Variants in NR1I3 observed in about 807,000 individuals in gnomAD.
NR1I3 encodes constitutive activator of retinoid response.
Under a neutral mutation model 38.4 loss-of-function variants are expected in NR1I3, and 30 were observed. The ratio of observed to expected loss-of-function variants is 0.78; its 90% confidence interval spans 0.58 to 1.06. The LOEUF (loss-of-function observed/expected upper bound fraction) is 1.06. Among genes scored for constraint, NR1I3 ranks in the 50% least tolerant of loss-of-function variants. The pLI, the probability that NR1I3 is intolerant of heterozygous loss-of-function variation, is 0.00. For synonymous variants in NR1I3, 143 were observed against 165.1 expected, an observed-to-expected ratio of 0.87 and a Z score of 1.03; for missense variants, 388 against 435.7, an observed-to-expected ratio of 0.89 and a Z score of 0.97.
rs751122638 is a variant in NR1I3 at position 161,233,315 on chromosome 1, C to T, written c.262G>A (p.Ala88Thr). Residue 88 changes from alanine (A) to threonine (T), a missense_variant, in exon 4 of 9, where the codon GCA (alanine) becomes ACA (threonine). Coordinates refer to ENST00000367983, the MANE Select transcript of NR1I3 (RefSeq NM_005122.5). ...TGGGCCTGCTTTGCTCGCCGCAATG[C>T]CAGGGCTTCTGCCGACAGTATCACT... is the stretch of plus-strand genomic sequence containing the variant. Reference protein sequence around the residue: ...KDMILSAEALALRRAKQAQRR... With the variant: ...KDMILSAEALTLRRAKQAQRR... The T allele has an allele frequency of 1.2e-6, 2 of 1,614,000 alleles. No homozygotes were observed. The highest frequency in any genetic ancestry group is 1.1e-5 in the South Asian group (1 of 91,078).
intron 8 of NR1I3, chr1:161,230,264 T>G (rs1666858613): frequency 2.8e-6 from 1 of 353,684 alleles, no homozygotes; most frequent in African/African-American, 2.1e-5. Flanking sequence ...GGATGTGTTC[T>G]ATGGTATAAA....
Position 161,233,292 on chromosome 1 carries a change from G to T in NR1I3, c.285C>A (p.Ala95=). The T allele has an allele frequency of 3.7e-6, 6 of 1,614,134 alleles. No individual in the cohort carries two copies. The highest frequency in any genetic ancestry group is 5.1e-6 in the Non-Finnish European group (6 of 1,180,024). ...CAGGTGTTTGCTGTGCCCGCCGCTG[G>T]GCCTGCTTTGCTCGCCGCAATGCCA... is the stretch of plus-strand genomic sequence containing the variant. The part of the protein sequence containing the change: ...EALALRRAKQ[A]QRRAQQTPVQ... Residue 95 remains alanine (A), a synonymous_variant, in exon 4 of 9, where the codon GCC becomes GCA. Transcript: ENST00000367983.
chr1:161,232,896 A>AG lies in NR1I3; in HGVS notation c.458dup (p.Val154CysfsTer24). Reference sequence around the variant, plus strand: ...CGAAGTGTGTGACCAGAGGCAGCACAGGGGCCAGGGTGGGCAAGGGCTGGT... The same window carrying AG: ...CGAAGTGTGTGACCAGAGGCAGCACAGGGGGCCAGGGTGGGCAAGGGCTGGT... On this transcript the variant is annotated frameshift_variant, in exon 5 of 9. Transcript: ENST00000367983. LOFTEE classifies it high-confidence loss of function. 1 of 1,614,250 alleles carries AG rather than the reference A, an allele frequency of 6.2e-7. No homozygotes were observed. Among genetic ancestry groups the AG allele is most frequent in the Non-Finnish European group, 8.5e-7 (1 of 1,180,032 alleles).
intron 1 of NR1I3, among the ~76,000 whole-genome samples, chr1:161,237,465 A>G (rs1668821055): frequency 6.6e-6 from 1 of 151,746 alleles, no homozygotes; most frequent in South Asian, 2.1e-4. Flanking sequence ...CATGCCTGTA[A>G]TTCCAGCACT....
chr1:161,229,692 C>T lies in NR1I3; in HGVS notation c.*105G>A. On this transcript the variant is annotated 3_prime_UTR_variant, in exon 9 of 9. Transcript: ENST00000367983. ...TATTGCTTTAGTCTTTCATTGCAAC[C>T]ACTGGGCTCCCTTTGAACCCGGCCC... 1 of 1,614,094 alleles carries T rather than the reference C, an allele frequency of 6.2e-7. No homozygotes were observed. Among genetic ancestry groups the T allele is most frequent in the Non-Finnish European group, 8.5e-7 (1 of 1,179,976 alleles).
intron 5 of NR1I3, 81 bp downstream of exon 5, chr1:161,232,726 T>A: frequency 7.2e-7 from 1 of 1,391,598 alleles, no homozygotes; most frequent in Admixed American, 1.7e-5. Flanking sequence ...CATGTGATAA[T>A]TTGTAGTCAG....
intron 8 of NR1I3, 81 bp from the exon 9 acceptor site, chr1:161,230,007 C>T: frequency 1.3e-6 from 2 of 1,527,714 alleles, no homozygotes; most frequent in Non-Finnish European, 1.8e-6. Flanking sequence ...GCCCTGATCC[C>T]CTGAACTATT....
intron 3 of NR1I3, chr1:161,235,126 GT>G (rs1293752787): frequency 6.6e-6 from 1 of 152,440 alleles, no homozygotes; most frequent in African/African-American, 2.4e-5. Context: ...GGGCAACAGA[GT>G]ATGAGACTCT....
chr1:161,233,959 GTATA>G (rs72176119), intron 3 of NR1I3, among the ~76,000 whole-genome samples: 18,122 of 115,394 alleles, frequency 0.16, 1,317 homozygotes, highest in East Asian at 0.28. Flanking sequence ...GTATATATGT[GTATA>G]TATATGTGTA....
intron 3 of NR1I3, among the ~76,000 whole-genome samples, chr1:161,234,254 C>T (rs1025051619): frequency 1.3e-5 from 2 of 151,882 alleles, no homozygotes; most frequent in East Asian, 3.9e-4. Context: ...CCACTCACCT[C>T]GGCCTCCCAA....
Position 161,236,502 on chromosome 1 carries a change from G to A in NR1I3, c.64C>T (p.His22Tyr). 2 of 1,614,150 alleles carry A rather than the reference G, an allele frequency of 1.2e-6. No homozygotes were observed. The highest frequency in any genetic ancestry group is 8.5e-7 in the Non-Finnish European group (1 of 1,180,030). Residue 22 changes from histidine to tyrosine, a missense_variant, in exon 2 of 9, where the codon CAC becomes TAC. Transcript: ENST00000367983. ...CCCTCACAAGTCAGCGCATTAAAGTGGTAGCCTGTGGCTTGGTCCCCACAT... is the reference window on the plus strand; with the variant it reads ...CCCTCACAAGTCAGCGCATTAAAGTAGTAGCCTGTGGCTTGGTCCCCACAT... ...VVCGDQATGY[H>Y]FNALTCEGCK...
chr1:161,231,798 G>C (rs537850294), intron 5 of NR1I3, among the ~76,000 whole-genome samples: 2 of 151,834 alleles, frequency 1.3e-5, no homozygotes, highest in East Asian at 3.9e-4. Context: ...CACTGCACCC[G>C]GCCCACTTTT....
intron 8 of NR1I3, 87 bp from the exon 9 acceptor site, chr1:161,230,013 CTAT>C: frequency 6.6e-7 from 1 of 1,506,826 alleles, no homozygotes; most frequent in Non-Finnish European, 9.1e-7. Context: ...ATCCCCTGAA[CTAT>C]TCCTCAGTGA....
At chr1:161,236,102 C>T in intron 2 of NR1I3, 125 bp from the exon 3 acceptor site, 1 of 1,114,546 alleles carries the variant, frequency 9.0e-7, no homozygotes, top group Non-Finnish European at 1.3e-6. Flanking sequence ...CCCAAAGGTC[C>T]CCAGGGGTGG....
chr1:161,235,002 G>T (rs1016352867), intron 3 of NR1I3, among the ~76,000 whole-genome samples: 5 of 152,028 alleles, frequency 3.3e-5, no homozygotes, highest in Non-Finnish European at 5.9e-5. Context: ...TTAGCTGGGT[G>T]TGGTGGCACA....
rs751720819 is a variant in NR1I3 at position 161,232,924 on chromosome 1, T to C, written c.431A>G (p.His144Arg). 2.5e-6 allele frequency: 4 copies of C among 1,614,182 alleles called. No individual in the cohort carries two copies. The highest frequency in any genetic ancestry group is 2.2e-5 in the South Asian group (2 of 91,086). ...GGCCAGGGTGGGCAAGGGCTGGTGA[T>C]GGATGAACAGATGAGCTGGAGGCTG... ...QFRPPAHLFI[H>R]HQPLPTLAPV... The change falls in exon 5 of 9, where the codon CAT (histidine) becomes CGT (arginine). Residue 144 changes from histidine to arginine, a missense_variant. Physicochemically the swap from His to Arg is conservative, Grantham distance 29. Transcript: ENST00000367983.
At chr1:161,232,735 AG>A in intron 5 of NR1I3, 71 bp downstream of exon 5, 1 of 1,460,948 alleles carries the variant, frequency 6.8e-7, no homozygotes, top group Non-Finnish European at 9.6e-7. Context: ...ATTTGTAGTC[AG>A]TGACTTTTCG....
intron 1 of NR1I3, 78 bp from the exon 2 acceptor site, chr1:161,236,676 A>G: frequency 7.1e-7 from 1 of 1,400,302 alleles, no homozygotes; most frequent in Non-Finnish European, 9.6e-7. Context: ...GTCTCTTTCC[A>G]AACCAAACCA....
intron 3 of NR1I3, among the ~76,000 whole-genome samples, chr1:161,234,439 G>C (rs938114634): frequency 4.0e-5 from 6 of 151,136 alleles, no homozygotes; most frequent in Admixed American, 3.9e-4. Context: ...CCAAGATCTT[G>C]AATTCAGACC....
Sources: allele counts gnomAD v4.1 joint callset (sites outside exome capture counted in the v4.1 genomes callset), GRCh38; gene constraint gnomAD v4.1.1; transcripts MANE v1.5; gene names NCBI Gene and HGNC (gene_info 2026-07-23, HGNC 2026-07-21).